The following KIAA1217 variants were observed in gnomAD, a reference collection of about 807,000 sequenced individuals.
KIAA1217 encodes the protein KIAA1217, also known as sickle tail protein homolog.
KIAA1217 carries 88 observed loss-of-function variants against 163.9 expected under a neutral mutation model. That is an observed-to-expected ratio of 0.54 (90% CI 0.45 to 0.64). The LOEUF is 0.64. KIAA1217 is among the 30% of genes least tolerant of loss of function. The pLI is 0.00. For missense variants in KIAA1217, 2,372 were observed against 2,475.0 expected, an observed-to-expected ratio of 0.96 and a Z score of 0.88; for synonymous variants, 903 against 923.1, an observed-to-expected ratio of 0.98 and a Z score of 0.39.
At chr10:24,184,861 G>A (rs12776145) in intron 2 of KIAA1217, among the ~76,000 whole-genome samples, 44,347 of 152,070 alleles carry the variant, frequency 0.29, 7,289 homozygotes, top group South Asian at 0.36. Flanking sequence ...TCACAGACAC[G>A]CTGGAGAATT....
At chr10:24,207,282 T>TCTCTCTCTCACACACA (rs529791287), upstream of KIAA1217, among the ~76,000 whole-genome samples, 61 of 140,228 alleles carry the variant, frequency 4.4e-4, no homozygotes, top group African/African-American at 1.6e-3. Flanking sequence ...TCTCTCTCTC[T>TCTCTCTCTCACACACA]CACACACACA....
intron 1 of KIAA1217, among the ~76,000 whole-genome samples, chr10:23,809,776 A>C (rs901257517): frequency 4.6e-5 from 7 of 152,202 alleles, no homozygotes; most frequent in Middle Eastern, 3.4e-3. Flanking sequence ...TATCAAAAAA[A>C]TTTAATACCA....
At chr10:24,293,691 G>A (rs543363847) in intron 2 of KIAA1217, among the ~76,000 whole-genome samples, 6 of 152,290 alleles carry the variant, frequency 3.9e-5, no homozygotes, top group African/African-American at 1.4e-4. Flanking sequence ...GCCCCTTGTT[G>A]CCTGTTCTTA....
intron 2 of KIAA1217, among the ~76,000 whole-genome samples, chr10:24,364,761 C>T (rs554610034): frequency 2.7e-4 from 41 of 151,978 alleles, no homozygotes; most frequent in African/African-American, 4.1e-4. Flanking sequence ...TGCCTTCCTT[C>T]CTTTCTTTCT....
intron 1 of KIAA1217, among the ~76,000 whole-genome samples, chr10:23,810,408 A>T (rs1298551726): frequency 6.9e-6 from 1 of 144,550 alleles, no homozygotes; most frequent in East Asian, 2.0e-4. Flanking sequence ...CTCTCTCTAT[A>T]ATATATATAC....
chr10:23,757,528 AT>A (rs966869788), intron 1 of KIAA1217, among the ~76,000 whole-genome samples: 9 of 151,640 alleles, frequency 5.9e-5, no homozygotes, highest in Admixed American at 1.3e-4. Flanking sequence ...TATTTTATTT[AT>A]TTTTTTGAGA....
At chr10:24,447,250 T>C (rs1277431878) in intron 5 of KIAA1217, among the ~76,000 whole-genome samples, 4 of 151,970 alleles carry the variant, frequency 2.6e-5, no homozygotes, top group African/African-American at 9.7e-5. Flanking sequence ...TATTTATTTA[T>C]CTATTTATTT....
chr10:23,698,032 G>C (rs1836164297), intron 1 of KIAA1217, among the ~76,000 whole-genome samples: 1 of 152,042 alleles, frequency 6.6e-6, no homozygotes. Flanking sequence ...ATGTGATTTG[G>C]GGCAATTTGT....
At chr10:23,851,833 G>C (rs1409354768) in intron 1 of KIAA1217, among the ~76,000 whole-genome samples, 8 of 151,800 alleles carry the variant, frequency 5.3e-5, no homozygotes, top group Non-Finnish European at 8.8e-5. Flanking sequence ...GTCTGTTCAT[G>C]TCCTTCGCCC....
At chr10:24,396,354 G>GA (rs1224675390) in intron 3 of KIAA1217, among the ~76,000 whole-genome samples, 3 of 151,392 alleles carry the variant, frequency 2.0e-5, no homozygotes, top group Non-Finnish European at 3.0e-5. Flanking sequence ...AGAGAAAAAA[G>GA]AAAAAAAATG....
In KIAA1217 at chr10:24,434,036, T is replaced by C. The variant is rs1166443293; in HGVS notation, c.752+843T>C. On this transcript the variant is annotated intron_variant, in intron 4 of 20. Coordinates refer to ENST00000376454, the MANE Select transcript of KIAA1217 (RefSeq NM_019590.5). The stretch of plus-strand genomic sequence containing the variant: ...CTCTCTCTCTCTCTCTTTTTTTTTT[T>C]TTTTTTTTTTTTTTTTTTATGAGAC... Among the ~76,000 whole-genome samples the C allele has an allele frequency of 1.3e-3, 167 of 133,130 alleles. 1 individual carries two copies. Among genetic ancestry groups the C allele is most frequent in the African/African-American group, 4.3e-3 (156 of 36,360 alleles). The allele number at this position is 133,130 out of a possible 152,430, so 87.3% of individuals were successfully genotyped here. A position where few individuals can be genotyped will look rare whatever the true frequency, so the allele number is the denominator to read the frequency against.
chr10:24,118,231 G>A (rs2063139072), intron 2 of KIAA1217, among the ~76,000 whole-genome samples: 2 of 151,960 alleles, frequency 1.3e-5, no homozygotes, highest in Admixed American at 6.6e-5. Context: ...CATTTCTCTG[G>A]TCCTGAGGTA....
At chr10:23,789,893 TATGATATATACATATACATATGCATA>T (rs1429528688) in intron 1 of KIAA1217, among the ~76,000 whole-genome samples, 1 of 148,630 alleles carries the variant, frequency 6.7e-6, no homozygotes, top group Non-Finnish European at 1.5e-5. Context: ...ATATCATATA[TATGATATATACATATACATATGCATA>T]TACATGTATA....
chr10:24,395,882 G>T (rs7075108), intron 3 of KIAA1217, among the ~76,000 whole-genome samples: 32,445 of 151,920 alleles, frequency 0.21, 4,490 homozygotes, highest in East Asian at 0.37. Flanking sequence ...GGGGTCTCAC[G>T]ATTAGCCCAG....
At chr10:24,272,326 G>A (rs767358477) in intron 2 of KIAA1217, among the ~76,000 whole-genome samples, 34 of 152,264 alleles carry the variant, frequency 2.2e-4, no homozygotes, top group Non-Finnish European at 3.8e-4. Flanking sequence ...TTTCTAACTC[G>A]ATGTGTGACA....
At chr10:23,833,084 AT>A (rs1281641169) in intron 1 of KIAA1217, among the ~76,000 whole-genome samples, 5 of 151,966 alleles carry the variant, frequency 3.3e-5, no homozygotes, top group African/African-American at 1.2e-4. Context: ...ACTTAAATCT[AT>A]TTTTCTTAAT....
intron 1 of KIAA1217, among the ~76,000 whole-genome samples, chr10:23,767,670 G>GA (rs141005982): frequency 3.2e-3 from 488 of 152,270 alleles, no homozygotes; most frequent in African/African-American, 0.011. Context: ...AAGAGGCCGT[G>GA]AACCCTCAGG....
chr10:24,386,916 A>G (rs2054087398), intron 3 of KIAA1217, among the ~76,000 whole-genome samples: 1 of 152,208 alleles, frequency 6.6e-6, no homozygotes, highest in African/African-American at 2.4e-5. Flanking sequence ...GAAAAGAAGT[A>G]TTGCTCTGTA....
At chr10:23,711,267 G>T (rs1458517756) in intron 1 of KIAA1217, among the ~76,000 whole-genome samples, 3 of 152,176 alleles carry the variant, frequency 2.0e-5, no homozygotes, top group African/African-American at 7.2e-5. Context: ...AAGCAAAAGA[G>T]ACTTTGCAGA....
Sources: allele counts gnomAD v4.1 joint callset (sites outside exome capture counted in the v4.1 genomes callset), GRCh38; gene constraint gnomAD v4.1.1; transcripts MANE v1.5; gene names NCBI Gene and HGNC (gene_info 2026-07-23, HGNC 2026-07-21).